Variants in CAP1 observed in about 807,000 individuals in gnomAD.
The protein encoded by CAP1 is cyclase associated actin cytoskeleton regulatory protein 1.
Under a neutral mutation model 58.2 loss-of-function variants are expected in CAP1, and 11 were observed. That is an observed-to-expected ratio of 0.19 (90% CI 0.12 to 0.31). The LOEUF (loss-of-function observed/expected upper bound fraction) is 0.31. Ranked by LOEUF, CAP1 falls within the 10% of genes least tolerant of loss-of-function variation. CAP1 has a pLI of 1.00. For synonymous variants in CAP1, 183 were observed against 213.8 expected, an observed-to-expected ratio of 0.86 and a Z score of 1.26; for missense variants, 423 against 587.5, an observed-to-expected ratio of 0.72 and a Z score of 2.89.
intron 9 of CAP1, 30 bp downstream of exon 9, chr1:40,069,904 G>A (rs779788662): frequency 8.6e-6 from 13 of 1,515,286 alleles, no homozygotes; most frequent in African/African-American, 4.2e-5. Context: ...ACAGGGGCAG[G>A]TATTTTTATT....
At chr1:40,044,211 C>G (rs1263261951) in intron 1 of CAP1, among the ~76,000 whole-genome samples, 1 of 151,888 alleles carries the variant, frequency 6.6e-6, no homozygotes, top group African/African-American at 2.4e-5. Flanking sequence ...GCCTGGTCAA[C>G]ATAGTGAGAC....
rs1246232502 is a variant in CAP1 at position 40,072,236 on chromosome 1, GA to G, written c.*704del. 2.9e-6 allele frequency: 1 copy of G among 348,498 alleles called. No homozygotes were observed. Among genetic ancestry groups the G allele is most frequent in the Admixed American group, 5.3e-5 (1 of 18,946 alleles). The allele number at this position is 348,498 out of a possible 1,614,324, so 21.6% of individuals were successfully genotyped here. A position where few individuals can be genotyped will look rare whatever the true frequency, so the allele number is the denominator to read the frequency against. ...GATCCCTGCCCAGCACCTTCCTATA[GA>G]GATGACTTTAAAAGGAAAAAAAAAA... On this transcript the variant is annotated 3_prime_UTR_variant, in exon 13 of 13. Coordinates refer to ENST00000372805, the MANE Select transcript of CAP1 (RefSeq NM_006367.4).
At chr1:40,064,049 T>C (rs1452243154) in intron 4 of CAP1, among the ~76,000 whole-genome samples, 178 bp from the exon 5 acceptor site, 1 of 152,188 alleles carries the variant, frequency 6.6e-6, no homozygotes, top group Non-Finnish European at 1.5e-5. Context: ...GAGTTGGAAC[T>C]CTACGAGGAG....
rs1647559458 is a variant in CAP1, at chr1:40,070,041, A to G, written c.994-118A>G. 11 of 1,484,348 alleles carry G rather than the reference A, an allele frequency of 7.4e-6. No individual in the cohort carries two copies. In the East Asian group the frequency reaches 2.5e-4, roughly 34 times the overall value. 91.9% of individuals were successfully genotyped at this position (1,484,348 alleles called of 1,614,324 possible). On this transcript the variant is annotated intron_variant, in intron 9 of 12. Transcript: ENST00000372805. ...AGGAACAGGAGGTTAAATGGAGCTT[A>G]GCTAGATGAGGGCAGAGTTCTGGCT... is the stretch of plus-strand genomic sequence containing the variant.
chr1:40,058,759 A>T (rs72937415), intron 1 of CAP1, among the ~76,000 whole-genome samples: 1 of 152,054 alleles, frequency 6.6e-6, no homozygotes, highest in African/African-American at 2.4e-5. Context: ...TAAACATCCT[A>T]TTCATCTTGG....
intron 1 of CAP1, chr1:40,041,298 G>T (rs994899255): frequency 3.3e-5 from 5 of 152,174 alleles, no homozygotes; most frequent in African/African-American, 1.2e-4. Context: ...GGTCGGTGTT[G>T]CCCCGCAGGC....
intron 1 of CAP1, among the ~76,000 whole-genome samples, chr1:40,045,884 T>A (rs1487087367): frequency 6.6e-6 from 1 of 152,004 alleles, no homozygotes; most frequent in Non-Finnish European, 1.5e-5. Flanking sequence ...GACAGGGTCT[T>A]GCTATGTTGC....
chr1:40,043,380 T>C (rs1042994022), intron 1 of CAP1, among the ~76,000 whole-genome samples: 4 of 151,908 alleles, frequency 2.6e-5, no homozygotes, highest in Non-Finnish European at 5.9e-5. Context: ...GTATTTTTAG[T>C]AGAGACGGGA....
chr1:40,066,980 CAG>C (rs1647114936), intron 7 of CAP1, among the ~76,000 whole-genome samples: 1 of 152,104 alleles, frequency 6.6e-6, no homozygotes, highest in African/African-American at 2.4e-5. Flanking sequence ...AAAAGAGTCT[CAG>C]TGTATAGGTT....
chr1:40,046,646 G>GC (rs1479409816), intron 1 of CAP1, among the ~76,000 whole-genome samples: 1 of 152,070 alleles, frequency 6.6e-6, no homozygotes, highest in African/African-American at 2.4e-5. Context: ...GAGTGTACTT[G>GC]CACAAATTTA....
chr1:40,067,680 G>T lies in CAP1; in HGVS notation c.771G>T (p.Leu257=). The change falls in exon 8 of 13, where the codon CTG becomes CTT. Residue 257 remains leucine (L), a synonymous_variant. Coordinates refer to ENST00000372805, the MANE Select transcript of CAP1 (RefSeq NM_006367.4). ...CSYESASRSS[L]FAQINQGESI... ...ATGAGTCTGCTTCCCGCTCATCACT[G>T]TTCGCGCAGATTAATCAGGGGGAGA... The T allele has an allele frequency of 1.3e-6, 2 of 1,598,204 alleles. No homozygotes were observed. Among genetic ancestry groups the T allele is most frequent in the Non-Finnish European group, 1.7e-6 (2 of 1,172,442 alleles).
chr1:40,060,321 GAGTT>G, intron 3 of CAP1, 151 bp downstream of exon 3: 2 of 543,676 alleles, frequency 3.7e-6, no homozygotes, highest in South Asian at 2.6e-5. Context: ...CTGTACTGAG[GAGTT>G]CAGTCTAGCC....
At position 40,070,241 on chromosome 1, in the gene CAP1, C is replaced by T. The variant is rs550460068; in HGVS notation, c.1076C>T (p.Thr359Met). The change falls in exon 10 of 13, where the codon ACG becomes ATG. Residue 359 changes from threonine to methionine, a missense_variant. Transcript: ENST00000372805. ...GCTTACATATACAAGTGTGTCAACA[C>T]GACATTGCAAATCAAGGGCAAAATT... ...QVAYIYKCVN[T>M]TLQIKGKINS... 14 of 1,614,026 alleles carry T rather than the reference C, an allele frequency of 8.7e-6. No individual in the cohort carries two copies. Among genetic ancestry groups the T allele is most frequent in the African/African-American group, 5.3e-5 (4 of 74,928 alleles).
At chr1:40,054,193 C>CTTTTTTTTTTTTT (rs398052925) in intron 1 of CAP1, among the ~76,000 whole-genome samples, 92 of 136,334 alleles carry the variant, frequency 6.7e-4, no homozygotes, top group Admixed American at 2.8e-3. Flanking sequence ...GCCCACTGTT[C>CTTTTTTTTTTTTT]TTTTTTTTTT....
intron 1 of CAP1, among the ~76,000 whole-genome samples, chr1:40,059,120 A>G (rs1646740225): frequency 6.6e-6 from 1 of 152,040 alleles, no homozygotes; most frequent in Admixed American, 6.6e-5. Context: ...TCTCTTGCTT[A>G]ATGAGGTCTT....
In CAP1 at chr1:40,069,754, T is replaced by C. The variant is rs373976739; in HGVS notation, c.873T>C (p.Gly291=). The change falls in exon 9 of 13, where the codon GGT becomes GGC. Residue 291 remains glycine, a synonymous_variant. Transcript: ENST00000372805. ...ACCCTGCCCTGAAGGCTCAGAGTGG[T>C]CCAGTACGCAGTGGCCCCAAACCAT... ...HKNPALKAQS[G]PVRSGPKPFS... 2.5e-6 allele frequency: 4 copies of C among 1,613,580 alleles called. No individual in the cohort carries two copies. The highest frequency in any genetic ancestry group is 3.4e-6 in the Non-Finnish European group (4 of 1,179,886).
chr1:40,040,463 T>G (rs1161680278), upstream of CAP1: 1 of 152,278 alleles, frequency 6.6e-6, no homozygotes, highest in Non-Finnish European at 1.5e-5. Context: ...CGGGGGCGAT[T>G]CCGGGTAGGT....
chr1:40,052,163 A>G (rs1388315756), intron 1 of CAP1, among the ~76,000 whole-genome samples: 1 of 152,172 alleles, frequency 6.6e-6, no homozygotes, highest in African/African-American at 2.4e-5. Flanking sequence ...CTAGTACGTA[A>G]TATGTAGTGC....
intron 1 of CAP1, among the ~76,000 whole-genome samples, chr1:40,042,465 T>TA (rs1301266028): frequency 6.6e-6 from 1 of 152,138 alleles, no homozygotes; most frequent in Non-Finnish European, 1.5e-5. Context: ...CAGAGACTAC[T>TA]ACAGGTGCAA....
Sources: allele counts gnomAD v4.1 joint callset (sites outside exome capture counted in the v4.1 genomes callset), GRCh38; gene constraint gnomAD v4.1.1; transcripts MANE v1.5; gene names NCBI Gene and HGNC (gene_info 2026-07-23, HGNC 2026-07-21).